The following ABLIM3 variants were observed in gnomAD, a reference collection of about 807,000 sequenced individuals.
The protein encoded by ABLIM3 is actin-binding LIM protein 3.
Under a neutral mutation model 109.5 loss-of-function variants are expected in ABLIM3, and 61 were observed. The ratio of observed to expected loss-of-function variants is 0.56; its 90% confidence interval spans 0.45 to 0.69. ABLIM3 has a LOEUF of 0.69. Among genes scored for constraint, ABLIM3 ranks in the 30% least tolerant of loss-of-function variants. The pLI is 0.00. For missense variants in ABLIM3, 796 were observed against 889.5 expected, an observed-to-expected ratio of 0.89 and a Z score of 1.34; for synonymous variants, 300 against 324.8, an observed-to-expected ratio of 0.92 and a Z score of 0.82.
intron 3 of ABLIM3, among the ~76,000 whole-genome samples, chr5:149,193,728 C>G (rs1757712563): frequency 6.6e-6 from 1 of 152,144 alleles, no homozygotes; most frequent in Non-Finnish European, 1.5e-5. Context: ...CTATTAAGAC[C>G]ATGTGATCTT....
At chr5:149,249,667 C>T in intron 18 of ABLIM3, 148 bp from the exon 19 acceptor site, 1 of 769,460 alleles carries the variant, frequency 1.3e-6, no homozygotes, top group Non-Finnish European at 2.1e-6. Context: ...TAAAAACTGA[C>T]CAGTTCAGGA....
chr5:149,248,015 G>C (rs983243522), intron 18 of ABLIM3, 86 bp downstream of exon 18: 21 of 1,497,896 alleles, frequency 1.4e-5, no homozygotes, highest in Non-Finnish European at 1.9e-5. Context: ...TCTGAGCCAG[G>C]CTCCCTTGAG....
At chr5:149,236,604 G>A (rs1245603895) in intron 10 of ABLIM3, among the ~76,000 whole-genome samples, 1 of 152,052 alleles carries the variant, frequency 6.6e-6, no homozygotes, top group Non-Finnish European at 1.5e-5. Context: ...CAGCTCTAGA[G>A]GGATGAACTC....
intron 3 of ABLIM3, among the ~76,000 whole-genome samples, chr5:149,196,494 A>G (rs1757990205): frequency 1.3e-5 from 2 of 152,206 alleles, no homozygotes; most frequent in South Asian, 2.1e-4. Context: ...CCTGTTCATC[A>G]ATGTGGATGA....
intron 2 of ABLIM3, among the ~76,000 whole-genome samples, chr5:149,179,816 C>T (rs1004744756): frequency 6.6e-6 from 1 of 152,140 alleles, no homozygotes; most frequent in Admixed American, 6.5e-5. Flanking sequence ...TTAAGTTCCT[C>T]AGTCACACTA....
intron 5 of ABLIM3, 38 bp downstream of exon 5, chr5:149,200,466 G>T (rs1758389976): frequency 6.3e-7 from 1 of 1,591,026 alleles, no homozygotes; most frequent in African/African-American, 1.3e-5. Flanking sequence ...GTCCATGGGT[G>T]TGATCTCTCT....
chr5:149,213,170 A>G (rs1378902669), intron 7 of ABLIM3, among the ~76,000 whole-genome samples: 1 of 152,202 alleles, frequency 6.6e-6, no homozygotes, highest in African/African-American at 2.4e-5. Context: ...AACAAAGCTC[A>G]GGCCTGGAGG....
intron 2 of ABLIM3, among the ~76,000 whole-genome samples, chr5:149,170,743 C>A (rs2127460020): frequency 1.3e-5 from 2 of 152,290 alleles, no homozygotes; most frequent in South Asian, 4.1e-4. Context: ...TTGAATGATG[C>A]TTTGTTTCCT....
intron 2 of ABLIM3, among the ~76,000 whole-genome samples, chr5:149,142,660 C>A (rs534373410): frequency 6.6e-6 from 1 of 152,244 alleles, no homozygotes; most frequent in South Asian, 2.1e-4. Flanking sequence ...GGGCTGGTTT[C>A]TCTATGTACC....
chr5:149,177,473 C>T (rs1176543848), intron 2 of ABLIM3, among the ~76,000 whole-genome samples: 2 of 152,214 alleles, frequency 1.3e-5, no homozygotes, highest in Non-Finnish European at 2.9e-5. Flanking sequence ...CATAACCCCT[C>T]TTCCTCACAC....
chr5:149,199,019 A>T (rs1221620799), intron 4 of ABLIM3: 1 of 456,364 alleles, frequency 2.2e-6, no homozygotes, highest in Admixed American at 2.4e-5. Context: ...CATTATCATG[A>T]TGATAGTCAT....
At chr5:149,233,964 C>G (rs1220201787) in intron 10 of ABLIM3, among the ~76,000 whole-genome samples, 2 of 152,184 alleles carry the variant, frequency 1.3e-5, no homozygotes, top group Non-Finnish European at 2.9e-5. Context: ...ATATGTCATT[C>G]ATTCATTCAA....
Position 149,200,346 on chromosome 5 carries a change from C to A in ABLIM3, c.366C>A (p.Thr122=), listed in dbSNP as rs114255499. 510 of 1,614,206 alleles carry A rather than the reference C, an allele frequency of 3.2e-4. 1 individual carries two copies. The highest frequency in any genetic ancestry group is 4.1e-4 in the Non-Finnish European group (480 of 1,180,028). The change falls in exon 5 of 24, where the codon ACC becomes ACA. Residue 122 remains threonine, a synonymous_variant. Coordinates refer to ENST00000309868, the MANE Select transcript of ABLIM3 (RefSeq NM_014945.5). Reference sequence around the variant, plus strand: ...CTTTCCCCATTGGAGACAAGGTGACCTTCAGCGGTAAAGAATGTGTGTGCC... The same window carrying A: ...CTTTCCCCATTGGAGACAAGGTGACATTCAGCGGTAAAGAATGTGTGTGCC... The part of the protein sequence containing the change: ...RKPFPIGDKV[T]FSGKECVCQT...
intron 2 of ABLIM3, among the ~76,000 whole-genome samples, chr5:149,144,527 A>G (rs1206614489): frequency 1.3e-5 from 2 of 152,146 alleles, no homozygotes; most frequent in Non-Finnish European, 2.9e-5. Flanking sequence ...CCCTAATAGA[A>G]ACTCTTGCTT....
At chr5:149,248,237 C>CT (rs1753578492) in intron 18 of ABLIM3, among the ~76,000 whole-genome samples, 1 of 152,228 alleles carries the variant, frequency 6.6e-6, no homozygotes, top group Admixed American at 6.5e-5. Flanking sequence ...AGGTTAGCCC[C>CT]AAACCCTGCA....
chr5:149,210,827 G>A lies in ABLIM3; in HGVS notation c.669+8G>A, dbSNP rs772862591. On this transcript the variant is annotated splice_region_variant and intron_variant, in intron 7 of 23. Coordinates refer to ENST00000309868, the MANE Select transcript of ABLIM3 (RefSeq NM_014945.5). ...AGTGGCAGAGTCTTGGAGGTGAGTG[G>A]GTATAAGTAACCGTGAAGATGTGGC... 1.9e-6 allele frequency: 3 copies of A among 1,613,208 alleles called. No individual in the cohort carries two copies. The highest frequency in any genetic ancestry group is 2.5e-6 in the Non-Finnish European group (3 of 1,179,212).
At chr5:149,211,271 G>A (rs991031689) in intron 7 of ABLIM3, among the ~76,000 whole-genome samples, 1 of 151,950 alleles carries the variant, frequency 6.6e-6, no homozygotes, top group Admixed American at 6.6e-5. Context: ...TCTTTGGTGG[G>A]TCCATCACCA....
intron 2 of ABLIM3, among the ~76,000 whole-genome samples, chr5:149,143,366 AAATAAT>A (rs1427089689): frequency 6.6e-6 from 1 of 151,694 alleles, no homozygotes; most frequent in African/African-American, 2.4e-5. Context: ...CTGTCTCAAA[AAATAAT>A]AATAATAATA....
At chr5:149,245,049 C>G (rs1395999767) in intron 16 of ABLIM3, 34 bp downstream of exon 16, 2 of 1,613,652 alleles carry the variant, frequency 1.2e-6, no homozygotes, top group African/African-American at 1.3e-5. Context: ...GTCCAGGGCC[C>G]TAACACCTGT....
Sources: allele counts gnomAD v4.1 joint callset (sites outside exome capture counted in the v4.1 genomes callset), GRCh38; gene constraint gnomAD v4.1.1; transcripts MANE v1.5; gene names NCBI Gene and HGNC (gene_info 2026-07-23, HGNC 2026-07-21).